The following NBEA variants were observed in gnomAD, a reference collection of about 807,000 sequenced individuals.
NBEA encodes the protein neurobeachin.
Under a neutral mutation model 343.4 loss-of-function variants are expected in NBEA, and 44 were observed. That is an observed-to-expected ratio of 0.13 (90% CI 0.10 to 0.16). The LOEUF is 0.16. NBEA is among the 10% of genes least tolerant of loss of function. NBEA has a pLI of 1.00. For missense variants in NBEA, 2,555 were observed against 3,631.3 expected (o/e 0.70, Z 7.62); for synonymous variants, 1,175 against 1,238.7 (o/e 0.95, Z 1.08).
At chr13:35,521,774 A>T (rs2077725447) in intron 41 of NBEA, among the ~76,000 whole-genome samples, 1 of 152,196 alleles carries the variant, frequency 6.6e-6, no homozygotes, top group Non-Finnish European at 1.5e-5. Context: ...GGTCTAAATC[A>T]GCTCTGGTCA....
At chr13:35,430,983 T>C (rs908026483) in intron 38 of NBEA, among the ~76,000 whole-genome samples, 5 of 152,118 alleles carry the variant, frequency 3.3e-5, no homozygotes, top group Non-Finnish European at 7.4e-5. Flanking sequence ...TATATGCCCT[T>C]TATACTATTG....
rs182925405 is a variant in NBEA at position 35,291,377 on chromosome 13, A to G, written c.5838+927A>G. 2.1e-3 allele frequency among the ~76,000 whole-genome samples: 317 copies of G among 152,034 alleles called. 1 individual carries two copies. The highest frequency in any genetic ancestry group is 7.4e-3 in the African/African-American group (306 of 41,544). ...AAACATCAGCAAAACTGAACAAAAC[A>G]AATGAAAAACTTACCAATTGATTTC... is the stretch of plus-strand genomic sequence containing the variant. On this transcript the variant is annotated intron_variant, in intron 35 of 58. Coordinates refer to ENST00000379939, the MANE Select transcript of NBEA (RefSeq NM_001385012.1).
At chr13:35,447,705 A>G (rs1218933524) in intron 39 of NBEA, among the ~76,000 whole-genome samples, 2 of 152,176 alleles carry the variant, frequency 1.3e-5, no homozygotes, top group Non-Finnish European at 2.9e-5. Flanking sequence ...AGCTTTACAC[A>G]TAATATACAT....
At chr13:35,456,604 CA>C (rs2046592088) in intron 40 of NBEA, among the ~76,000 whole-genome samples, 1 of 151,824 alleles carries the variant, frequency 6.6e-6, no homozygotes, top group Non-Finnish European at 1.5e-5. Flanking sequence ...TGAAATTTAG[CA>C]AGTTGTTTCT....
At chr13:35,307,694 G>A (rs1344419674) in intron 35 of NBEA, among the ~76,000 whole-genome samples, 1 of 151,962 alleles carries the variant, frequency 6.6e-6, no homozygotes, top group Non-Finnish European at 1.5e-5. Context: ...CTTCATAGTG[G>A]CATGGGTCTT....
At chr13:35,057,168 C>T (rs572940627) in intron 7 of NBEA, among the ~76,000 whole-genome samples, 1 of 152,202 alleles carries the variant, frequency 6.6e-6, no homozygotes, top group South Asian at 2.1e-4. Flanking sequence ...TCAAGCATAC[C>T]TGGTTTTATA....
rs545688588 is a variant in NBEA at position 35,081,990 on chromosome 13, A to C, written c.1571+11138A>C. Among the ~76,000 whole-genome samples the C allele has an allele frequency of 4.6e-5, 7 of 152,222 alleles. No homozygotes were observed. The South Asian group carries it at 1.2e-3, about 27-fold the overall frequency. On this transcript the variant is annotated intron_variant, in intron 10 of 58. Coordinates refer to ENST00000379939, the MANE Select transcript of NBEA (RefSeq NM_001385012.1). ...GTGCAGGTTAGTTACATATGTATAC[A>C]TGTGCCATGTTGGTGTGCTGCACCC... is the stretch of plus-strand genomic sequence containing the variant.
At chr13:35,559,699 A>C (rs1457064630) in intron 44 of NBEA, among the ~76,000 whole-genome samples, 1 of 152,114 alleles carries the variant, frequency 6.6e-6, no homozygotes, top group Non-Finnish European at 1.5e-5. Context: ...GTGGATCACG[A>C]GGTCAGGAGA....
chr13:35,028,605 T>C (rs928265916), intron 1 of NBEA, among the ~76,000 whole-genome samples: 3 of 151,834 alleles, frequency 2.0e-5, no homozygotes, highest in Non-Finnish European at 3.0e-5. Context: ...GTTTTATTTC[T>C]TCCTTTTAGA....
intron 35 of NBEA, among the ~76,000 whole-genome samples, chr13:35,298,245 A>G (rs1035798422): frequency 3.7e-4 from 42 of 113,066 alleles, no homozygotes; most frequent in African/African-American, 1.1e-3. Context: ...ATATATATAT[A>G]TATGTATATG....
At chr13:34,948,546 T>C (rs978898587) in intron 1 of NBEA, among the ~76,000 whole-genome samples, 2 of 152,218 alleles carry the variant, frequency 1.3e-5, no homozygotes, top group Non-Finnish European at 2.9e-5. Flanking sequence ...TATTGTTATT[T>C]ATTTCAAATC....
At chr13:35,135,752 C>T (rs1566343155) in intron 17 of NBEA, among the ~76,000 whole-genome samples, 1 of 151,784 alleles carries the variant, frequency 6.6e-6, no homozygotes, top group Non-Finnish European at 1.5e-5. Flanking sequence ...CACAGAAACA[C>T]ATCCTGATAT....
intron 41 of NBEA, among the ~76,000 whole-genome samples, chr13:35,517,185 A>C (rs2077516485): frequency 6.6e-6 from 1 of 152,094 alleles, no homozygotes; most frequent in South Asian, 2.1e-4. Flanking sequence ...TTCCTTGCCA[A>C]GTCCTCCGCT....
At chr13:35,368,843 T>C (rs991153276) in intron 38 of NBEA, among the ~76,000 whole-genome samples, 7 of 151,694 alleles carry the variant, frequency 4.6e-5, no homozygotes, top group Non-Finnish European at 8.9e-5. Flanking sequence ...AATATTAAAA[T>C]ATCTAAATTA....
intron 10 of NBEA, among the ~76,000 whole-genome samples, chr13:35,072,728 A>AT (rs1034144044): frequency 1.3e-5 from 2 of 151,662 alleles, no homozygotes; most frequent in East Asian, 1.9e-4. Flanking sequence ...TGCCCAGCTA[A>AT]TTTTTTTTAT....
intron 38 of NBEA, among the ~76,000 whole-genome samples, chr13:35,362,179 T>C (rs2040845776): frequency 6.6e-6 from 1 of 152,012 alleles, no homozygotes. Flanking sequence ...TCAAATATTA[T>C]TTAATTGTTG....
chr13:34,975,597 C>T (rs906694999), intron 1 of NBEA, among the ~76,000 whole-genome samples: 2 of 152,070 alleles, frequency 1.3e-5, no homozygotes, highest in Admixed American at 6.5e-5. Context: ...CTTAATTAAA[C>T]TAAAAAGCTT....
At chr13:35,245,954 C>T (rs1289510540) in intron 34 of NBEA, among the ~76,000 whole-genome samples, 3 of 152,078 alleles carry the variant, frequency 2.0e-5, no homozygotes, top group Non-Finnish European at 2.9e-5. Context: ...AACATAATTC[C>T]AAACTTCTTG....
chr13:35,468,108 ACC>A (rs1346379931), intron 40 of NBEA, among the ~76,000 whole-genome samples: 1,131 of 81,304 alleles, frequency 0.014, 54 homozygotes, highest in African/African-American at 0.045. Flanking sequence ...AATGATTTAC[ACC>A]CCCCCCCCAC....
Sources: allele counts gnomAD v4.1 joint callset (sites outside exome capture counted in the v4.1 genomes callset), GRCh38; gene constraint gnomAD v4.1.1; transcripts MANE v1.5; gene names NCBI Gene and HGNC (gene_info 2026-07-23, HGNC 2026-07-21).